The following FAM167A variants were observed in gnomAD, a reference collection of about 807,000 sequenced individuals.
The protein encoded by FAM167A is family with sequence similarity 167 member A, also known as protein FAM167A.
Under a neutral mutation model 14.9 loss-of-function variants are expected in FAM167A, and 23 were observed. The observed-to-expected ratio is 1.55, with a 90% CI of 1.11 to 2.19. FAM167A has a LOEUF of 2.19. Ranked by LOEUF, FAM167A falls within the 30% of genes most tolerant of loss-of-function variation. FAM167A has a pLI of 0.00. For missense variants in FAM167A, 401 were observed against 281.5 expected, an observed-to-expected ratio of 1.42 and a Z score of -3.04; for synonymous variants, 174 against 117.7, an observed-to-expected ratio of 1.48 and a Z score of -3.10.
At chr8:11,427,304 C>T (rs1347987836) in intron 2 of FAM167A, among the ~76,000 whole-genome samples, 1 of 152,212 alleles carries the variant, frequency 6.6e-6, no homozygotes, top group Non-Finnish European at 1.5e-5. Context: ...GCTGGTTTCT[C>T]AGTTGTGACA....
intron 1 of FAM167A, among the ~76,000 whole-genome samples, chr8:11,448,029 A>T (rs1377825894): frequency 2.0e-5 from 3 of 152,166 alleles, no homozygotes; most frequent in African/African-American, 7.2e-5. Context: ...CCCCGTCTCT[A>T]CTAAAAATAC....
rs141509739 is a variant in FAM167A, at chr8:11,451,860, G to T, written c.-397-7052C>A. 6.7e-3 allele frequency among the ~76,000 whole-genome samples: 1,013 copies of T among 152,326 alleles called. 19 individuals are homozygous for T. Among genetic ancestry groups the T allele is most frequent in the African/African-American group, 0.023 (943 of 41,574 alleles). ...TCTCCTGCCTCTGCCTTCTGGATCTGCCCTGGTTCTGCCTGTTTTCTGGTC... is the reference window on the plus strand; with the variant it reads ...TCTCCTGCCTCTGCCTTCTGGATCTTCCCTGGTTCTGCCTGTTTTCTGGTC... On this transcript the variant is annotated intron_variant, in intron 1 of 2. Transcript: ENST00000284486.
At chr8:11,469,906 A>AAAT (rs1807899586), upstream of FAM167A, among the ~76,000 whole-genome samples, 1 of 150,520 alleles carries the variant, frequency 6.6e-6, no homozygotes, top group Non-Finnish European at 1.5e-5. Flanking sequence ...ATAAATAAAT[A>AAAT]AATAAATAAA....
At chr8:11,426,525 A>C (rs1805170737) in intron 2 of FAM167A, among the ~76,000 whole-genome samples, 1 of 152,224 alleles carries the variant, frequency 6.6e-6, no homozygotes. Context: ...GTAAACCAAA[A>C]GTGTCTGAGA....
At chr8:11,445,169 G>A in intron 1 of FAM167A, 1 of 985,266 alleles carries the variant, frequency 1.0e-6, no homozygotes, top group African/African-American at 1.7e-5. Context: ...GCAATAAGTT[G>A]TGGGGACAAG....
chr8:11,454,434 G>A (rs901611271), intron 1 of FAM167A, among the ~76,000 whole-genome samples: 1 of 152,232 alleles, frequency 6.6e-6, no homozygotes, highest in Admixed American at 6.5e-5. Context: ...TGCGGTTTCA[G>A]CCAGGCCAGG....
At chr8:11,470,357 C>A (rs1215437729), upstream of FAM167A, among the ~76,000 whole-genome samples, 1 of 152,032 alleles carries the variant, frequency 6.6e-6, no homozygotes, top group Non-Finnish European at 1.5e-5. Flanking sequence ...AGGCCCTGGG[C>A]CAACAAACGT....
At position 11,444,076 on chromosome 8, in the gene FAM167A, G is replaced by C; in HGVS notation, c.336C>G (p.Gly112=). 1 of 1,613,582 alleles carries C rather than the reference G, an allele frequency of 6.2e-7. No homozygotes were observed. The highest frequency in any genetic ancestry group is 8.5e-7 in the Non-Finnish European group (1 of 1,180,012). ...CTATAGCTTCATCGATGCTCTGAAA[G>C]CCTTCCAGCTTGCCAGTGGACAGGG... ...ARPLSTGKLE[G]FQSIDEAIAW... is the part of the protein sequence containing the mutation. The change falls in exon 2 of 3, where the codon GGC becomes GGG. Residue 112 remains glycine, a synonymous_variant. Coordinates refer to ENST00000284486, the MANE Select transcript of FAM167A (RefSeq NM_053279.3).
intron 2 of FAM167A, among the ~76,000 whole-genome samples, chr8:11,425,426 TCTG>T (rs1805067707): frequency 6.6e-6 from 1 of 152,298 alleles, no homozygotes; most frequent in Middle Eastern, 3.4e-3. Context: ...ACAATGAAGT[TCTG>T]CTGCTCAAGG....
At chr8:11,450,260 C>CAGGACAGCCCG (rs1806971475) in intron 1 of FAM167A, among the ~76,000 whole-genome samples, 2 of 152,212 alleles carry the variant, frequency 1.3e-5, no homozygotes, top group South Asian at 4.1e-4. Context: ...TGTGTGTACC[C>CAGGACAGCCCG]AGGACAACCC....
At chr8:11,442,126 C>G (rs752082052) in intron 2 of FAM167A, among the ~76,000 whole-genome samples, 3 of 152,216 alleles carry the variant, frequency 2.0e-5, no homozygotes, top group Non-Finnish European at 4.4e-5. Context: ...GCCTATGGAG[C>G]CTGGCTCTAC....
intron 1 of FAM167A, among the ~76,000 whole-genome samples, chr8:11,460,436 G>A (rs954123553): frequency 7.8e-4 from 119 of 152,302 alleles, no homozygotes; most frequent in African/African-American, 2.6e-3. Context: ...CACAGCAGCA[G>A]GTAGTGGGAC....
At chr8:11,466,455 C>G (rs529666969) in intron 1 of FAM167A, among the ~76,000 whole-genome samples, 171 bp downstream of exon 1, 1 of 146,770 alleles carries the variant, frequency 6.8e-6, no homozygotes, top group African/African-American at 2.7e-5. Flanking sequence ...CGGCCTCTCC[C>G]GGGGGGGCGG....
chr8:11,473,596 C>G (rs994553787), intron 1 of FAM167A, among the ~76,000 whole-genome samples: 1 of 152,184 alleles, frequency 6.6e-6, no homozygotes, highest in Non-Finnish European at 1.5e-5. Context: ...TCTTTCCCAT[C>G]CCCATCCTGG....
intron 1 of FAM167A, among the ~76,000 whole-genome samples, chr8:11,473,020 C>T (rs902028482): frequency 3.3e-5 from 5 of 152,224 alleles, no homozygotes; most frequent in East Asian, 3.8e-4. Flanking sequence ...AGGAACAAGG[C>T]GGCACCCCCA....
chr8:11,470,844 A>G (rs961644363), upstream of FAM167A, among the ~76,000 whole-genome samples: 2 of 152,060 alleles, frequency 1.3e-5, no homozygotes, highest in African/African-American at 4.8e-5. Flanking sequence ...CAGAGTTTCA[A>G]GAAGAAGCGG....
intron 1 of FAM167A, among the ~76,000 whole-genome samples, chr8:11,462,790 CAT>C (rs1326468293): frequency 6.6e-6 from 1 of 152,222 alleles, no homozygotes; most frequent in African/African-American, 2.4e-5. Context: ...AAGCAGAAAG[CAT>C]CTGCTCCAGA....
chr8:11,468,430 T>C (rs879372280), upstream of FAM167A, among the ~76,000 whole-genome samples: 2 of 152,276 alleles, frequency 1.3e-5, no homozygotes, highest in African/African-American at 2.4e-5. Context: ...CCCTGCCTTA[T>C]GTCCTTCATG....
intron 1 of FAM167A, among the ~76,000 whole-genome samples, chr8:11,460,204 C>T (rs1410810355): frequency 6.6e-6 from 1 of 152,256 alleles, no homozygotes; most frequent in Admixed American, 6.5e-5. Context: ...GTAGATTGCC[C>T]TAACACTCCG....
Sources: allele counts gnomAD v4.1 joint callset (sites outside exome capture counted in the v4.1 genomes callset), GRCh38; gene constraint gnomAD v4.1.1; transcripts MANE v1.5; gene names NCBI Gene and HGNC (gene_info 2026-07-23, HGNC 2026-07-21).